The following KHDRBS2 variants were observed in gnomAD, a reference collection of about 807,000 sequenced individuals.
The protein encoded by KHDRBS2 is KH domain-containing, RNA-binding, signal transduction-associated protein 2.
KHDRBS2 carries 26 observed loss-of-function variants against 44.3 expected under a neutral mutation model. That is an observed-to-expected ratio of 0.59 (90% CI 0.43 to 0.81). KHDRBS2 has a LOEUF of 0.81. Among genes scored for constraint, KHDRBS2 ranks in the 40% least tolerant of loss-of-function variants. KHDRBS2 has a pLI of 0.00. For missense variants in KHDRBS2, 476 were observed against 433.1 expected, an observed-to-expected ratio of 1.10 and a Z score of -0.88; for synonymous variants, 194 against 151.1, an observed-to-expected ratio of 1.28 and a Z score of -2.08.
intron 6 of KHDRBS2, among the ~76,000 whole-genome samples, chr6:61,848,552 C>CAT (rs1223042685): frequency 0.058 from 2,143 of 37,080 alleles, 314 homozygotes; most frequent in African/African-American, 0.22. Context: ...TATATATATA[C>CAT]ATATATATAT....
intron 6 of KHDRBS2, among the ~76,000 whole-genome samples, chr6:61,866,954 G>C (rs548698852): frequency 6.6e-6 from 1 of 152,210 alleles, no homozygotes; most frequent in South Asian, 2.1e-4. Context: ...TATTCAACAA[G>C]TCTCTAGAAA....
intron 4 of KHDRBS2, among the ~76,000 whole-genome samples, chr6:61,931,103 T>A (rs1023082400): frequency 3.3e-5 from 5 of 151,926 alleles, no homozygotes; most frequent in Non-Finnish European, 5.9e-5. Context: ...TTTATATTCA[T>A]CCTTATAATG....
intron 4 of KHDRBS2, among the ~76,000 whole-genome samples, chr6:61,909,911 T>C (rs1186527878): frequency 1.3e-5 from 2 of 152,230 alleles, no homozygotes; most frequent in Non-Finnish European, 2.9e-5. Context: ...GTGCTGCACA[T>C]TTAAAACTGT....
At chr6:61,876,648 T>C (rs1179918173) in intron 6 of KHDRBS2, among the ~76,000 whole-genome samples, 1 of 152,056 alleles carries the variant, frequency 6.6e-6, no homozygotes, top group East Asian at 1.9e-4. Flanking sequence ...GTGAGCAATT[T>C]GGCAATGTGC....
intron 2 of KHDRBS2, among the ~76,000 whole-genome samples, chr6:62,091,442 T>C (rs73758661): frequency 0.024 from 3,728 of 152,288 alleles, 164 homozygotes; most frequent in African/African-American, 0.084. Flanking sequence ...TGGCGTTTAA[T>C]AGAAAGCTAC....
At chr6:61,562,379 C>T in the KHDRBS2 span, among the ~76,000 whole-genome samples, 122,167 of 152,036 alleles carry the variant, frequency 0.8, 49,526 homozygotes, top group African/African-American at 0.9. Flanking sequence ...ACAGGGTGGT[C>T]CTCAAGTGTT....
At chr6:61,647,268 G>A in the KHDRBS2 span, among the ~76,000 whole-genome samples, 1 of 152,072 alleles carries the variant, frequency 6.6e-6, no homozygotes, top group East Asian at 1.9e-4. Context: ...TTTACTGAGA[G>A]CAATAATAAC....
intron 4 of KHDRBS2, among the ~76,000 whole-genome samples, chr6:61,931,191 C>T (rs1202667841): frequency 6.6e-6 from 1 of 152,044 alleles, no homozygotes; most frequent in African/African-American, 2.4e-5. Context: ...CTGAAAATCA[C>T]TATAAGAAAA....
At chr6:61,600,136 C>T in the KHDRBS2 span, among the ~76,000 whole-genome samples, 3 of 151,960 alleles carry the variant, frequency 2.0e-5, no homozygotes, top group African/African-American at 7.3e-5. Flanking sequence ...TATTTTGTAC[C>T]ATTCCTTGAT....
At chr6:61,742,044 T>A (rs1313408472) in intron 6 of KHDRBS2, among the ~76,000 whole-genome samples, 3 of 151,962 alleles carry the variant, frequency 2.0e-5, no homozygotes, top group Non-Finnish European at 2.9e-5. Flanking sequence ...AAAAGAGCAA[T>A]AATAATCAAG....
chr6:61,745,425 T>G (rs1776723656), intron 6 of KHDRBS2, among the ~76,000 whole-genome samples: 1 of 152,054 alleles, frequency 6.6e-6, no homozygotes, highest in African/African-American at 2.4e-5. Flanking sequence ...GAGTTTAGAG[T>G]AATGAAGTGC....
intron 3 of KHDRBS2, among the ~76,000 whole-genome samples, chr6:62,018,295 ATATATGTG>A (rs1283358540): frequency 2.1e-5 from 3 of 142,608 alleles, no homozygotes; most frequent in Non-Finnish European, 3.0e-5. Flanking sequence ...CACTATATAT[ATATATGTG>A]TGTGTGTGTG....
At chr6:61,712,188 G>A (rs1379402507) in intron 7 of KHDRBS2, among the ~76,000 whole-genome samples, 3 of 151,716 alleles carry the variant, frequency 2.0e-5, no homozygotes, top group Non-Finnish European at 2.9e-5. Context: ...ATCAGTTGAG[G>A]CAATATACAT....
chr6:62,183,611 T>C (rs1307215011), intron 1 of KHDRBS2, among the ~76,000 whole-genome samples: 1 of 151,646 alleles, frequency 6.6e-6, no homozygotes, highest in African/African-American at 2.4e-5. Context: ...ATACATTTAA[T>C]TATCGAGAAG....
intron 3 of KHDRBS2, among the ~76,000 whole-genome samples, chr6:62,007,457 G>C (rs1398641877): frequency 1.3e-5 from 2 of 150,902 alleles, no homozygotes; most frequent in Non-Finnish European, 3.0e-5. Context: ...TAAAATGCAT[G>C]AATTTACTTC....
chr6:62,198,950 AG>A (rs1240356694), intron 1 of KHDRBS2, among the ~76,000 whole-genome samples: 2 of 152,088 alleles, frequency 1.3e-5, no homozygotes. Flanking sequence ...AATCAATAAA[AG>A]TAATCCAGCA....
At chr6:61,897,902 G>C (rs1240443948) in intron 5 of KHDRBS2, among the ~76,000 whole-genome samples, 7 of 152,080 alleles carry the variant, frequency 4.6e-5, no homozygotes, top group African/African-American at 7.2e-5. Context: ...GTTTTTCAGT[G>C]ACTGCACTCA....
chr6:62,251,260 TCATGATGAACACTG>T (rs1411756128), intron 1 of KHDRBS2, among the ~76,000 whole-genome samples: 1 of 151,830 alleles, frequency 6.6e-6, no homozygotes, highest in East Asian at 1.9e-4. Context: ...ATGATTAAAG[TCATGATGAACACTG>T]CCATAAAAAT....
At chr6:61,697,122 G>A (rs1460677684) in intron 8 of KHDRBS2, 73 bp downstream of exon 8, 6 of 987,276 alleles carry the variant, frequency 6.1e-6, no homozygotes, top group South Asian at 3.8e-5. Context: ...GGAGAAAGAT[G>A]GAAATAATGT....
Sources: allele counts gnomAD v4.1 joint callset (sites outside exome capture counted in the v4.1 genomes callset), GRCh38; gene constraint gnomAD v4.1.1; transcripts MANE v1.5; gene names NCBI Gene and HGNC (gene_info 2026-07-23, HGNC 2026-07-21).